Variants in PRICKLE1 observed in about 807,000 individuals in gnomAD.
PRICKLE1 encodes prickle planar cell polarity protein 1.
Under a neutral mutation model 70.2 loss-of-function variants are expected in PRICKLE1, and 14 were observed. The observed-to-expected ratio is 0.20, with a 90% CI of 0.13 to 0.31. The LOEUF is 0.31. Among genes scored for constraint, PRICKLE1 ranks in the 10% least tolerant of loss-of-function variants. PRICKLE1 has a pLI of 1.00. For missense variants in PRICKLE1, 821 were observed against 1,026.2 expected (o/e 0.80, Z 2.73); for synonymous variants, 357 against 379.9 (o/e 0.94, Z 0.70).
At chr12:42,581,194 TTTGA>T (rs763460227) in intron 1 of PRICKLE1, among the ~76,000 whole-genome samples, 1 of 152,184 alleles carries the variant, frequency 6.6e-6, no homozygotes, top group Non-Finnish European at 1.5e-5. Context: ...GATTCAATCC[TTTGA>T]TTAATATACA....
intron 1 of PRICKLE1, among the ~76,000 whole-genome samples, chr12:42,481,250 G>A (rs1366743892): frequency 1.3e-5 from 2 of 152,152 alleles, no homozygotes; most frequent in Non-Finnish European, 2.9e-5. Flanking sequence ...CTTGAACCAA[G>A]TCACCAAATC....
At position 42,468,823 on chromosome 12, in the gene PRICKLE1, A is replaced by C. The variant is rs35731866; in HGVS notation, c.391T>G (p.Leu131Val). ...VMHAVCEQCG[L>V]KINGGEVAVF... ...GCAACTTCACCTCCATTTATCTTCA[A>C]ACCACACTACAAACAAATGGGTTTG... Residue 131 changes from leucine (L) to valine (V), a missense_variant, in exon 5 of 8, where the codon TTG becomes GTG. By Grantham distance (32) the Leu-to-Val change is conservative (BLOSUM62 1). Coordinates refer to ENST00000345127, the MANE Select transcript of PRICKLE1 (RefSeq NM_153026.3). The C allele has an allele frequency of 2.7e-4, 436 of 1,614,116 alleles. 4 individuals are homozygous for C. In the Middle Eastern group the frequency reaches 2.8e-3, roughly 10 times the overall value.
intron 1 of PRICKLE1, among the ~76,000 whole-genome samples, chr12:42,588,515 T>A (rs1213935402): frequency 1.4e-5 from 2 of 141,178 alleles, no homozygotes; most frequent in African/African-American, 2.6e-5. Flanking sequence ...TTGTTGGTGC[T>A]TTTTTTTTTT....
In PRICKLE1 at chr12:42,465,043, G is replaced by T. The variant is rs947677650; in HGVS notation, c.991C>A (p.Arg331=). The T allele has an allele frequency of 5.0e-6, 8 of 1,588,082 alleles. No individual in the cohort carries two copies. Among genetic ancestry groups the T allele is most frequent in the Admixed American group, 3.6e-5 (2 of 55,682 alleles). ...CTCTTGCCCATTCGGACACTTCTTC[G>T]GGAGTCTCTTGATCGAGCTGACTGA... The part of the protein sequence containing the change: ...AFQSARSRDS[R]RSVRMGKSSR... The change falls in exon 7 of 8, where the codon CGA becomes AGA. Residue 331 remains arginine, a synonymous_variant. Coordinates refer to ENST00000345127, the MANE Select transcript of PRICKLE1 (RefSeq NM_153026.3).
intron 1 of PRICKLE1, among the ~76,000 whole-genome samples, chr12:42,578,637 G>GA (rs1940842064): frequency 1.8e-5 from 2 of 110,922 alleles, no homozygotes; most frequent in East Asian, 3.6e-4. Flanking sequence ...TCAGCTGGGG[G>GA]GAAAAACCCA....
chr12:42,552,098 A>C, intron 1 of PRICKLE1, among the ~76,000 whole-genome samples: 1 of 135,858 alleles, frequency 7.4e-6, no homozygotes, highest in African/African-American at 2.9e-5. Context: ...ACAGGCTCTC[A>C]CTCTGTTGTC....
intron 5 of PRICKLE1, 109 bp downstream of exon 5, chr12:42,468,517 C>T: frequency 1.0e-6 from 1 of 985,300 alleles, no homozygotes; most frequent in Non-Finnish European, 1.6e-6. Context: ...AAAACATGCA[C>T]ACAGAACAAA....
In PRICKLE1 at chr12:42,459,229, A is replaced by G; in HGVS notation, c.*580T>C. The G allele has an allele frequency of 1.4e-6, 1 of 695,154 alleles. No homozygotes were observed. Among genetic ancestry groups the G allele is most frequent in the East Asian group, 2.7e-5 (1 of 37,088 alleles). 43.1% of individuals were successfully genotyped at this position (695,154 alleles called of 1,614,324 possible). A position where few individuals can be genotyped will look rare whatever the true frequency, so the allele number is the denominator to read the frequency against. ...AGGAATACACTTAAGTCTATGAAAT[A>G]CTAAGTTATAAATAGCAATGTTTTT... is the stretch of plus-strand genomic sequence containing the variant. On this transcript the variant is annotated 3_prime_UTR_variant, in exon 8 of 8. Transcript: ENST00000345127.
At chr12:42,576,946 T>C (rs1053368199) in intron 1 of PRICKLE1, among the ~76,000 whole-genome samples, 3 of 152,214 alleles carry the variant, frequency 2.0e-5, no homozygotes, top group Non-Finnish European at 4.4e-5. Flanking sequence ...ACATACTGCA[T>C]AGTTACACCA....
intron 1 of PRICKLE1, among the ~76,000 whole-genome samples, chr12:42,537,504 A>C (rs1165172309): frequency 2.6e-5 from 4 of 152,130 alleles, no homozygotes; most frequent in Non-Finnish European, 4.4e-5. Context: ...AGGGAACAAA[A>C]ACCCAAACCA....
chr12:42,535,556 C>T lies in PRICKLE1; in HGVS notation c.-49+53909G>A, dbSNP rs138520655. ...ACCATTGAGAAAATTGTTTGAGAAT[C>T]CCAGTGGTTAGAATGAGTTTGCTCT... is the stretch of plus-strand genomic sequence containing the variant. On this transcript the variant is annotated intron_variant, in intron 1 of 7. Coordinates refer to ENST00000345127, the MANE Select transcript of PRICKLE1 (RefSeq NM_153026.3). 2.8e-3 allele frequency among the ~76,000 whole-genome samples: 426 copies of T among 152,264 alleles called. 2 individuals are homozygous for T. The highest frequency in any genetic ancestry group is 9.6e-3 in the African/African-American group (398 of 41,556).
chr12:42,550,011 T>C (rs1410117708), intron 1 of PRICKLE1, among the ~76,000 whole-genome samples: 1 of 152,244 alleles, frequency 6.6e-6, no homozygotes, highest in Non-Finnish European at 1.5e-5. Flanking sequence ...CTGATTCTTG[T>C]TTGACACCTT....
chr12:42,459,320 T>C lies in PRICKLE1; in HGVS notation c.*489A>G, dbSNP rs998144344. ...CAATGTTTACCTGGCCAAAGAGGGTTCGAGGGGACAAGCTGGCCTCACAAT... is the reference window on the plus strand; with the variant it reads ...CAATGTTTACCTGGCCAAAGAGGGTCCGAGGGGACAAGCTGGCCTCACAAT... On this transcript the variant is annotated 3_prime_UTR_variant, in exon 8 of 8. Coordinates refer to ENST00000345127, the MANE Select transcript of PRICKLE1 (RefSeq NM_153026.3). The C allele has an allele frequency of 4.3e-6, 3 of 702,468 alleles. No individual in the cohort carries two copies. The highest frequency in any genetic ancestry group is 2.0e-5 in the Admixed American group (1 of 50,004). 43.5% of individuals were successfully genotyped at this position (702,468 alleles called of 1,614,324 possible). A position where few individuals can be genotyped will look rare whatever the true frequency, so the allele number is the denominator to read the frequency against.
chr12:42,572,209 G>A (rs1256314553), intron 1 of PRICKLE1, among the ~76,000 whole-genome samples: 5 of 152,000 alleles, frequency 3.3e-5, no homozygotes, highest in East Asian at 3.9e-4. Flanking sequence ...CGAGGCGGGC[G>A]GATTACTTGA....
chr12:42,468,397 GAAGGTGAA>G, intron 5 of PRICKLE1, among the ~76,000 whole-genome samples: 1 of 152,268 alleles, frequency 6.6e-6, no homozygotes, highest in Admixed American at 6.5e-5. Flanking sequence ...TTTCTATCAG[GAAGGTGAA>G]AAATTAATTG....
At chr12:42,573,898 C>A (rs1940762762) in intron 1 of PRICKLE1, among the ~76,000 whole-genome samples, 1 of 152,180 alleles carries the variant, frequency 6.6e-6, no homozygotes, top group South Asian at 2.1e-4. Flanking sequence ...AGTTCTCTAA[C>A]ATAGCCAAGG....
chr12:42,490,310 G>A, intron 1 of PRICKLE1, among the ~76,000 whole-genome samples: 1 of 152,180 alleles, frequency 6.6e-6, no homozygotes, highest in East Asian at 1.9e-4. Flanking sequence ...CAGGGAAGGG[G>A]GCCTAGTCCA....
At chr12:42,507,650 C>T (rs975640207) in intron 1 of PRICKLE1, among the ~76,000 whole-genome samples, 1 of 152,232 alleles carries the variant, frequency 6.6e-6, no homozygotes, top group African/African-American at 2.4e-5. Flanking sequence ...GAGGAACTAA[C>T]CTCCATTCCC....
chr12:42,568,782 A>G (rs1446891581), intron 1 of PRICKLE1, among the ~76,000 whole-genome samples: 1 of 152,218 alleles, frequency 6.6e-6, no homozygotes, highest in African/African-American at 2.4e-5. Context: ...TAGTGTAGCC[A>G]TCACCTGAAC....
Sources: allele counts gnomAD v4.1 joint callset (sites outside exome capture counted in the v4.1 genomes callset), GRCh38; gene constraint gnomAD v4.1.1; transcripts MANE v1.5; gene names NCBI Gene and HGNC (gene_info 2026-07-23, HGNC 2026-07-21).